RBM39: variants seen among roughly 807,000 people sequenced by gnomAD.
RBM39 encodes RNA binding motif protein 39.
A neutral mutation model predicts 79.6 loss-of-function variants in RBM39; 12 were observed. That is an observed-to-expected ratio of 0.15 (90% confidence interval 0.10 to 0.24). RBM39 has a LOEUF of 0.24. RBM39 is among the 10% of genes least tolerant of loss of function. The pLI is 1.00. For missense variants in RBM39, 243 were observed against 653.4 expected, an observed-to-expected ratio of 0.37 and a Z score of 6.85; for synonymous variants, 185 against 208.4, an observed-to-expected ratio of 0.89 and a Z score of 0.97.
intron 10 of RBM39, among the ~76,000 whole-genome samples, chr20:35,715,233 A>G (rs1773173976): frequency 6.6e-6 from 1 of 152,220 alleles, no homozygotes. Flanking sequence ...CATATACATG[A>G]GTGGCACCAT....
chr20:35,722,435 A>C (rs1342154479), intron 8 of RBM39, among the ~76,000 whole-genome samples: 1 of 137,344 alleles, frequency 7.3e-6, no homozygotes, highest in Non-Finnish European at 1.6e-5. Flanking sequence ...AAAAAAAATA[A>C]AAATAAAAAG....
chr20:35,730,289 G>A (rs952877357), intron 4 of RBM39, among the ~76,000 whole-genome samples: 5 of 152,146 alleles, frequency 3.3e-5, no homozygotes, highest in Admixed American at 6.5e-5. Context: ...TAAAGACCAG[G>A]CTAACTTAAA....
chr20:35,714,818 C>A (rs1490600279), intron 10 of RBM39, among the ~76,000 whole-genome samples: 2 of 152,040 alleles, frequency 1.3e-5, no homozygotes, highest in Admixed American at 1.3e-4. Flanking sequence ...AACATAAATA[C>A]TTCATACACA....
At chr20:35,719,945 C>T (rs2037694269) in intron 9 of RBM39, 1 of 258,960 alleles carries the variant, frequency 3.9e-6, no homozygotes, top group South Asian at 3.0e-5. Context: ...ACCACACCCA[C>T]CTAATTTTTC....
chr20:35,717,832 G>A (rs1041020501), intron 9 of RBM39, among the ~76,000 whole-genome samples: 2 of 152,060 alleles, frequency 1.3e-5, no homozygotes, highest in African/African-American at 4.8e-5. Context: ...CTCAGTCACA[G>A]AGGGAGACTC....
At position 35,722,009 on chromosome 20, in the gene RBM39, A is replaced by G. The variant is rs756221278; in HGVS notation, c.688-132T>C. 217 of 1,004,002 alleles carry G rather than the reference A, an allele frequency of 2.2e-4. 1 individual carries two copies. Among genetic ancestry groups the G allele is most frequent in the Middle Eastern group, 2.9e-4 (1 of 3,440 alleles). The allele number at this position is 1,004,002 out of a possible 1,614,324, so 62.2% of individuals were successfully genotyped here. On this transcript the variant is annotated intron_variant, in intron 8 of 16. Transcript: ENST00000253363. ...CTACCCTACGTAAGTCAGATACTAC[A>G]TATCAACTTAATAGGAGGCATCTAG...
intron 10 of RBM39, among the ~76,000 whole-genome samples, chr20:35,715,211 A>G (rs1347727377): frequency 6.6e-6 from 1 of 152,220 alleles, no homozygotes; most frequent in Non-Finnish European, 1.5e-5. Context: ...AAGTTCCACC[A>G]TGGATGAGTT....
rs1312574218 is a variant in RBM39 at position 35,702,679 on chromosome 20, T to C, written c.*1802A>G. On this transcript the variant is annotated 3_prime_UTR_variant, in exon 17 of 17. Coordinates refer to ENST00000253363, the MANE Select transcript of RBM39 (RefSeq NM_184234.3). ...GGCTGGGCGCGGTGGCTCATGCCTG[T>C]AATCCCGGCACTTTGGGAGGCCAAG... 1.3e-5 allele frequency: 2 copies of C among 152,364 alleles called. No individual in the cohort carries two copies. The highest frequency in any genetic ancestry group is 2.4e-5 in the African/African-American group (1 of 41,470). The allele number at this position is 152,364 out of a possible 1,614,324, so 9.4% of individuals were successfully genotyped here. A position where few individuals can be genotyped will look rare whatever the true frequency, so the allele number is the denominator to read the frequency against.
intron 10 of RBM39, among the ~76,000 whole-genome samples, chr20:35,714,597 T>C (rs2036868667): frequency 6.6e-6 from 1 of 152,216 alleles, no homozygotes; most frequent in Non-Finnish European, 1.5e-5. Context: ...GTAGTTTAAA[T>C]AAAAGATATT....
At chr20:35,735,118 T>C in intron 3 of RBM39, 1 of 1,480,806 alleles carries the variant, frequency 6.8e-7, no homozygotes, top group Non-Finnish European at 8.9e-7. Context: ...AGTCATTTAT[T>C]CCAAAATTTA....
At chr20:35,724,791 C>A in intron 7 of RBM39, 69 bp from the exon 8 acceptor site, 1 of 1,526,646 alleles carries the variant, frequency 6.6e-7, no homozygotes, top group Non-Finnish European at 9.0e-7. Context: ...TCAAGAGACA[C>A]TGTTGAAGGA....
intron 6 of RBM39, among the ~76,000 whole-genome samples, chr20:35,727,649 T>C (rs985201270): frequency 7.8e-6 from 1 of 127,766 alleles, no homozygotes; most frequent in Admixed American, 7.4e-5. Context: ...CTAATTTTTG[T>C]ATTTTTTTTT....
Position 35,703,072 on chromosome 20 carries a change from A to C in RBM39, c.*1409T>G, listed in dbSNP as rs1639973313. ...AAAAAAAAGTTGAACAAATGAGGTA[A>C]GGAACTCAGTATTTGAAGATAAGCT... On this transcript the variant is annotated 3_prime_UTR_variant, in exon 17 of 17. Coordinates refer to ENST00000253363, the MANE Select transcript of RBM39 (RefSeq NM_184234.3). 2 of 152,208 alleles carry C rather than the reference A, an allele frequency of 1.3e-5. No homozygotes were observed. The highest frequency in any genetic ancestry group is 4.8e-5 in the African/African-American group (2 of 41,460). 9.4% of individuals were successfully genotyped at this position (152,208 alleles called of 1,614,324 possible). A position where few individuals can be genotyped will look rare whatever the true frequency, so the allele number is the denominator to read the frequency against.
rs372926565 is a variant in RBM39 at position 35,729,548 on chromosome 20, T to C, written c.297-21A>G. On this transcript the variant is annotated intron_variant, in intron 4 of 16. Transcript: ENST00000253363. ...CGGAGCTAAAAAGGAAACACAAAAT[T>C]ACACTAGTTACAGGTTTAGGGTCTT... 1.3e-5 allele frequency: 21 copies of C among 1,607,848 alleles called. No homozygotes were observed. The African/African-American group carries it at 1.9e-4, about 14-fold the overall frequency.
intron 9 of RBM39, among the ~76,000 whole-genome samples, chr20:35,717,468 TCAA>T (rs1274836612): frequency 1.3e-5 from 2 of 151,948 alleles, no homozygotes; most frequent in South Asian, 2.1e-4. Flanking sequence ...AGAAACAAAA[TCAA>T]CGTTTCCTTC....
chr20:35,713,317 C>CTTT, intron 11 of RBM39: 1 of 371,628 alleles, frequency 2.7e-6, no homozygotes, highest in East Asian at 4.7e-5. Context: ...GTGAAACTCT[C>CTTT]TTTTTTTTTT....
At chr20:35,728,052 GC>G (rs1171715416) in intron 6 of RBM39, among the ~76,000 whole-genome samples, 1 of 152,150 alleles carries the variant, frequency 6.6e-6, no homozygotes, top group Non-Finnish European at 1.5e-5. Flanking sequence ...CTCCCAAAGT[GC>G]TGGGATTACC....
At chr20:35,736,627 A>ATTAACATAAGGTCGTAAGG in intron 3 of RBM39, 2 of 467,450 alleles carry the variant, frequency 4.3e-6, no homozygotes, top group Non-Finnish European at 8.9e-6. Flanking sequence ...CTCGTTTTTC[A>ATTAACATAAGGTCGTAAGG]TTAACATAAG....
At chr20:35,741,051 T>TTTTTTTTTTTTTTG (rs367902878) in intron 1 of RBM39, among the ~76,000 whole-genome samples, 164 bp from the exon 2 acceptor site, 1 of 133,680 alleles carries the variant, frequency 7.5e-6, no homozygotes, top group Admixed American at 7.8e-5. Flanking sequence ...TTTTTTTTTT[T>TTTTTTTTTTTTTTG]GAGACGGAGT....
Sources: gnomAD v4.1 joint callset for allele counts (sites outside exome capture counted in the v4.1 genomes callset) on GRCh38, gnomAD v4.1.1 for gene constraint, MANE v1.5 for transcripts, NCBI Gene and HGNC (gene_info 2026-07-23, HGNC 2026-07-21) for gene names.